ASB10: variants seen among roughly 807,000 people sequenced by gnomAD.
ASB10 encodes ankyrin repeat and SOCS box protein 10.
Under a neutral mutation model 35.4 loss-of-function variants are expected in ASB10, and 44 were observed. That is an observed-to-expected ratio of 1.24 (90% CI 0.98 to 1.60). ASB10 has a LOEUF of 1.60. ASB10 is among the 40% of genes most tolerant of loss of function. The pLI is 0.00. For synonymous variants in ASB10, 294 were observed against 280.4 expected (o/e 1.05, Z -0.49); for missense variants, 647 against 634.3 (o/e 1.02, Z -0.22).
chr7:151,186,461 G>C lies in ASB10; in HGVS notation c.515C>G (p.Ala172Gly), dbSNP rs151344604. 1.1e-5 allele frequency: 18 copies of C among 1,594,072 alleles called. No individual in the cohort carries two copies. In the Admixed American group the frequency reaches 1.9e-4, roughly 17 times the overall value. Reference sequence around the variant, plus strand: ...ATCCTGGTCAGCGATGTTGGGGTCGGCTCCTGCCACCAGCAGCACATGAAC... The same window carrying C: ...ATCCTGGTCAGCGATGTTGGGGTCGCCTCCTGCCACCAGCAGCACATGAAC... ...ACVHVLLVAG[A>G]DPNIADQDGK... Residue 172 changes from alanine (A) to glycine (G), a missense_variant, in exon 2 of 6, where the codon GCC (alanine) becomes GGC (glycine). Transcript: ENST00000420175.
Position 151,186,405 on chromosome 7 carries a change from G to A in ASB10, c.571C>T (p.Pro191Ser). ...GGGGTCACTCACTCAAGGGTGCCAG[G>A]CCCCCGGCAGAGATGCAGGGGGCGT... Reference protein sequence around the residue: ...GKRPLHLCRGPGTLECAELLL... With the variant: ...GKRPLHLCRGSGTLECAELLL... The change falls in exon 2 of 6, where the codon CCT becomes TCT. Residue 191 changes from proline (P) to serine (S), a missense_variant. By Grantham distance (74) the Pro-to-Ser change is moderately conservative (BLOSUM62 -1). Transcript: ENST00000420175. The A allele has an allele frequency of 6.3e-7, 1 of 1,586,344 alleles. No individual in the cohort carries two copies. The highest frequency in any genetic ancestry group is 8.6e-7 in the Non-Finnish European group (1 of 1,166,674).
chr7:151,176,656 C>T lies in ASB10; in HGVS notation c.1125G>A (p.Thr375=), dbSNP rs1584811221. The T allele has an allele frequency of 2.6e-6, 4 of 1,551,284 alleles. No homozygotes were observed. The highest frequency in any genetic ancestry group is 2.4e-5 in the South Asian group (2 of 84,052). The change falls in exon 4 of 6, where the codon ACG becomes ACA. Residue 375 remains threonine, a synonymous_variant. Coordinates refer to ENST00000420175, the MANE Select transcript of ASB10 (RefSeq NM_001142459.2). The part of the protein sequence containing the change: ...ALPKVLERWS[T]CPRTIEVLMN... ...TCAGGACCTCGATGGTCCGAGGGCA[C>T]GTGCTCCAGCGCTCCAGCACCTGTG...
At chr7:151,184,712 G>A (rs577802842) in intron 2 of ASB10, among the ~76,000 whole-genome samples, 33 of 152,144 alleles carry the variant, frequency 2.2e-4, no homozygotes, top group Admixed American at 3.3e-4. Context: ...TAATGCCATC[G>A]AACTGTACGC....
At position 151,187,079 on chromosome 7, in the gene ASB10, C is replaced by T. The variant is rs990376377; in HGVS notation, c.52G>A (p.Asp18Asn). 6 of 1,606,108 alleles carry T rather than the reference C, an allele frequency of 3.7e-6. No homozygotes were observed. Among genetic ancestry groups the T allele is most frequent in the East Asian group, 4.5e-5 (2 of 44,634 alleles). ...CTGGCACAGAGGGGGTGTCTGTCAT[C>T]GAGGGGCTCTCCCTGCCCCTTGCAC... is the stretch of plus-strand genomic sequence containing the variant. ...EECKGQGEPLDDRHPLCARLV... is the reference protein window; with the variant it reads ...EECKGQGEPLNDRHPLCARLV... The change falls in exon 1 of 6, where the codon GAT (aspartate) becomes AAT (asparagine). Residue 18 changes from aspartate (D) to asparagine (N), a missense_variant. Coordinates refer to ENST00000420175, the MANE Select transcript of ASB10 (RefSeq NM_001142459.2). The surrounding 1 kb of genome is among the most constrained non-coding windows in gnomAD (Gnocchi z 5.3).
rs151344617 is a variant in ASB10 at position 151,186,868 on chromosome 7, T to A, written c.263A>T (p.Asp88Val). ...CCTCCATCGCTCTGGGTCGCTGGTA[T>A]CAAAGACGGAATCAGGAGCCAGGCC... ...STGLAPDSVF[D>V]TSDPERWRDF... Residue 88 changes from aspartate (D) to valine (V), a missense_variant, in exon 1 of 6, where the codon GAT (aspartate) becomes GTT (valine). Transcript: ENST00000420175. The A allele has an allele frequency of 2.1e-4, 331 of 1,612,958 alleles. No individual in the cohort carries two copies. The highest frequency in any genetic ancestry group is 2.6e-4 in the Non-Finnish European group (309 of 1,179,420).
chr7:151,180,969 G>T lies in ASB10; in HGVS notation c.1074C>A (p.Ala358=). Residue 358 remains alanine (A), a synonymous_variant, in exon 3 of 6, where the codon GCC becomes GCA. Coordinates refer to ENST00000420175, the MANE Select transcript of ASB10 (RefSeq NM_001142459.2). ...HVVRALLNHG[A]VRVWPGALPK... Reference sequence around the variant, plus strand: ...GGAGGGCCCCTGGCCAGACACGGACGGCGCCATGGTTGAGCAGAGCCCGAA... The same window carrying T: ...GGAGGGCCCCTGGCCAGACACGGACTGCGCCATGGTTGAGCAGAGCCCGAA... 1 of 1,569,418 alleles carries T rather than the reference G, an allele frequency of 6.4e-7. No homozygotes were observed. Among genetic ancestry groups the T allele is most frequent in the Non-Finnish European group, 8.7e-7 (1 of 1,152,394 alleles).
rs368523194 is a variant in ASB10, at chr7:151,180,976, T to C, written c.1067A>G (p.His356Arg). Residue 356 changes from histidine to arginine, a missense_variant, in exon 3 of 6, where the codon CAT (histidine) becomes CGT (arginine). Transcript: ENST00000420175. ...CCCTGGCCAGACACGGACGGCGCCA[T>C]GGTTGAGCAGAGCCCGAACCACGTG... is the stretch of plus-strand genomic sequence containing the variant. ...PEHVVRALLN[H>R]GAVRVWPGAL... 3.8e-6 allele frequency: 6 copies of C among 1,582,448 alleles called. No homozygotes were observed. The highest frequency in any genetic ancestry group is 5.2e-6 in the Non-Finnish European group (6 of 1,159,344).
upstream of ASB10, chr7:151,187,692 A>G: frequency 1.3e-6 from 2 of 1,487,904 alleles, no homozygotes; most frequent in Non-Finnish European, 1.8e-6. The surrounding 1 kb of genome is among the most constrained non-coding windows in gnomAD (Gnocchi z 5.3). Flanking sequence ...TGGTGTCCCC[A>G]GTGGGGAGAG....
At chr7:151,180,402 T>C (rs1490221624) in intron 3 of ASB10, among the ~76,000 whole-genome samples, 1 of 152,208 alleles carries the variant, frequency 6.6e-6, no homozygotes, top group Non-Finnish European at 1.5e-5. Flanking sequence ...AGTGGGACCA[T>C]GTCCATTTAC....
intron 2 of ASB10, among the ~76,000 whole-genome samples, chr7:151,184,270 G>T: frequency 6.6e-6 from 1 of 152,096 alleles, no homozygotes; most frequent in South Asian, 2.1e-4. Context: ...AAAAGTAGCC[G>T]GGTGCGGTGG....
upstream of ASB10, chr7:151,187,436 C>A: frequency 6.4e-7 from 1 of 1,551,120 alleles, no homozygotes; most frequent in Non-Finnish European, 8.7e-7. The surrounding 1 kb of genome is among the most constrained non-coding windows in gnomAD (Gnocchi z 5.3). Context: ...CTCAGCAACC[C>A]CCAGATGCCC....
Position 151,186,441 on chromosome 7 carries a change from G to T in ASB10, c.535C>A (p.Gln179Lys). Residue 179 changes from glutamine (Q) to lysine (K), a missense_variant, in exon 2 of 6, where the codon CAG becomes AAG. Gln to Lys is a moderately conservative substitution (Grantham distance 53, BLOSUM62 1). Coordinates refer to ENST00000420175, the MANE Select transcript of ASB10 (RefSeq NM_001142459.2). ...AGATGCAGGGGGCGTTTCCCATCCT[G>T]GTCAGCGATGTTGGGGTCGGCTCCT... ...VAGADPNIAD[Q>K]DGKRPLHLCR... is the part of the protein sequence containing the mutation. 1.9e-6 allele frequency: 3 copies of T among 1,589,930 alleles called. No homozygotes were observed. The highest frequency in any genetic ancestry group is 1.7e-6 in the Non-Finnish European group (2 of 1,168,500).
At position 151,186,448 on chromosome 7, in the gene ASB10, G is replaced by A. The variant is rs753666791; in HGVS notation, c.528C>T (p.Ile176=). 8.2e-6 allele frequency: 13 copies of A among 1,591,598 alleles called. No individual in the cohort carries two copies. Among genetic ancestry groups the A allele is most frequent in the East Asian group, 4.6e-5 (2 of 43,678 alleles). Residue 176 remains isoleucine, a synonymous_variant, in exon 2 of 6, where the codon ATC becomes ATT. Coordinates refer to ENST00000420175, the MANE Select transcript of ASB10 (RefSeq NM_001142459.2). The part of the protein sequence containing the change: ...VLLVAGADPN[I]ADQDGKRPLH... ...GGGGGCGTTTCCCATCCTGGTCAGC[G>A]ATGTTGGGGTCGGCTCCTGCCACCA...
chr7:151,184,598 G>A (rs1318039362), intron 2 of ASB10, among the ~76,000 whole-genome samples: 1 of 152,172 alleles, frequency 6.6e-6, no homozygotes, highest in Non-Finnish European at 1.5e-5. Context: ...GAGACAGGGT[G>A]GGGTGGGTGG....
chr7:151,184,140 G>A (rs78779087), intron 2 of ASB10, among the ~76,000 whole-genome samples: 7 of 151,934 alleles, frequency 4.6e-5, no homozygotes, highest in South Asian at 4.2e-4. Flanking sequence ...TCGGCCGGGC[G>A]TGGTGGCTCA....
intron 3 of ASB10, among the ~76,000 whole-genome samples, chr7:151,180,016 A>G (rs1287224840): frequency 6.6e-6 from 1 of 152,198 alleles, no homozygotes; most frequent in Non-Finnish European, 1.5e-5. Flanking sequence ...TTTGTGAGCA[A>G]AGGGGAGAGG....
At position 151,186,898 on chromosome 7, in the gene ASB10, C is replaced by G. The variant is rs1358988122; in HGVS notation, c.233G>C (p.Ser78Thr). The G allele has an allele frequency of 1.2e-6, 2 of 1,614,030 alleles. No individual in the cohort carries two copies. The highest frequency in any genetic ancestry group is 2.2e-5 in the South Asian group (2 of 91,088). ...GACGGAATCAGGAGCCAGGCCAGTA[C>G]TGGAGTCCGCGAGGATGCGGGAGAC... ...GCVSRILADS[S>T]TGLAPDSVFD... Residue 78 changes from serine (S) to threonine (T), a missense_variant, in exon 1 of 6, where the codon AGT becomes ACT. Coordinates refer to ENST00000420175, the MANE Select transcript of ASB10 (RefSeq NM_001142459.2).
rs767616564 is a variant in ASB10, at chr7:151,181,014, G to A, written c.1029C>T (p.Ala343=). 1.1e-5 allele frequency: 17 copies of A among 1,605,440 alleles called. No homozygotes were observed. The highest frequency in any genetic ancestry group is 5.0e-5 in the Admixed American group (3 of 59,812). Residue 343 remains alanine (A), a synonymous_variant, in exon 3 of 6, where the codon GCC becomes GCT. Transcript: ENST00000420175. ...CALQGPAAAL[A]QSPEHVVRAL... ...CCCGAACCACGTGCTCGGGGCTCTG[G>A]GCCAGGGCTGCAGCTGGGCCCTGCA... is the stretch of plus-strand genomic sequence containing the variant.
At position 151,186,674 on chromosome 7, in the gene ASB10, C is replaced by T. The variant is rs2257090; in HGVS notation, c.317-15G>A. On this transcript the variant is annotated splice_polypyrimidine_tract_variant and intron_variant, in intron 1 of 5. Coordinates refer to ENST00000420175, the MANE Select transcript of ASB10 (RefSeq NM_001142459.2). ...AGACCAGAGTCCTAGGGAGGGGAGA[C>T]GTGGGCCTCAGATCCCCAGGGAAGG... is the stretch of plus-strand genomic sequence containing the variant. 0.27 allele frequency: 425,699 copies of T among 1,588,238 alleles called. 58,367 individuals are homozygous for T. Among genetic ancestry groups the T allele is most frequent in the African/African-American group, 0.29 (21,537 of 74,454 alleles).
Sources: allele counts gnomAD v4.1 joint callset (sites outside exome capture counted in the v4.1 genomes callset), GRCh38; gene constraint gnomAD v4.1.1; non-coding constraint Gnocchi (gnomAD v3.1); transcripts MANE v1.5; gene names NCBI Gene and HGNC (gene_info 2026-07-23, HGNC 2026-07-21).